THRB: variants seen among roughly 807,000 people sequenced by gnomAD.
THRB encodes thyroid hormone receptor beta, also known as nuclear receptor subfamily 1 group A member 2.
A neutral mutation model predicts 47.8 loss-of-function variants in THRB; 12 were observed. The ratio of observed to expected loss-of-function variants is 0.25; its 90% confidence interval spans 0.16 to 0.41. THRB has a LOEUF of 0.41. THRB is among the 10% of genes least tolerant of loss of function. The pLI is 1.00. For synonymous variants in THRB, 218 were observed against 212.2 expected (o/e 1.03, Z -0.24); for missense variants, 348 against 589.2 (o/e 0.59, Z 4.24).
chr3:24,159,474 G>A (rs563231380), intron 5 of THRB, among the ~76,000 whole-genome samples: 31 of 152,308 alleles, frequency 2.0e-4, no homozygotes, highest in Non-Finnish European at 2.8e-4. Flanking sequence ...TATGTTGCAC[G>A]TATATATGGT....
intron 3 of THRB, among the ~76,000 whole-genome samples, chr3:24,241,973 C>G (rs1221045218): frequency 6.6e-6 from 1 of 152,118 alleles, no homozygotes; most frequent in East Asian, 1.9e-4. Context: ...TTCCTCCCCC[C>G]ACAAGTTAGC....
chr3:24,450,367 T>C (rs2072530608), intron 1 of THRB, among the ~76,000 whole-genome samples: 1 of 152,194 alleles, frequency 6.6e-6, no homozygotes, highest in Admixed American at 6.5e-5. Context: ...TCACAAAAGC[T>C]GATATGCCCT....
In THRB at chr3:24,452,023, T is replaced by G. The variant is rs541534796; in HGVS notation, c.-261+42629A>C. The stretch of plus-strand genomic sequence containing the variant: ...AGAATACATTCTGAAGTCTTTAGCA[T>G]TTAGAGATGACTAGATTGCCCGAGG... On this transcript the variant is annotated intron_variant, in intron 1 of 10. Coordinates refer to ENST00000646209, the MANE Select transcript of THRB (RefSeq NM_001354712.2). Among the ~76,000 whole-genome samples, 10 of 152,238 alleles carry G rather than the reference T, an allele frequency of 6.6e-5. No homozygotes were observed. In the South Asian group the frequency reaches 2.1e-3, roughly 32 times the overall value.
At chr3:24,441,927 G>T (rs1161602500) in intron 1 of THRB, among the ~76,000 whole-genome samples, 5 of 152,146 alleles carry the variant, frequency 3.3e-5, no homozygotes, top group African/African-American at 1.2e-4. Flanking sequence ...TTGGAATACA[G>T]ATATCTGCAG....
chr3:24,309,804 T>C (rs1219038721), intron 2 of THRB, among the ~76,000 whole-genome samples: 1 of 152,098 alleles, frequency 6.6e-6, no homozygotes, highest in African/African-American at 2.4e-5. Context: ...AATTTGAAAA[T>C]ACACTTGAAA....
chr3:24,273,333 T>G (rs568248156), intron 3 of THRB, among the ~76,000 whole-genome samples: 2 of 152,188 alleles, frequency 1.3e-5, no homozygotes, highest in African/African-American at 4.8e-5. Context: ...TAGATTTCCC[T>G]GCTTCATAGA....
intron 2 of THRB, among the ~76,000 whole-genome samples, chr3:24,298,637 C>T (rs759660838): frequency 6.6e-6 from 1 of 152,210 alleles, no homozygotes; most frequent in Non-Finnish European, 1.5e-5. Context: ...CTTGTAACAA[C>T]TCTGTACAGA....
chr3:24,325,879 G>T (rs1174669474), intron 2 of THRB, among the ~76,000 whole-genome samples: 1 of 152,122 alleles, frequency 6.6e-6, no homozygotes, highest in Non-Finnish European at 1.5e-5. Flanking sequence ...ATACCAAATT[G>T]CCTTCAATAA....
Position 24,120,905 on chromosome 3 carries a change from C to A in THRB, c.*1979G>T, listed in dbSNP as rs1335318257. ...AGAAGCCAGTACAATTGCTTTCATG[C>A]ATTGAATATTTAATTCCCCGCTCCC... On this transcript the variant is annotated 3_prime_UTR_variant, in exon 11 of 11. Coordinates refer to ENST00000646209, the MANE Select transcript of THRB (RefSeq NM_001354712.2). 7 of 152,172 alleles carry A rather than the reference C, an allele frequency of 4.6e-5. No individual in the cohort carries two copies. The East Asian group carries it at 1.2e-3, about 25-fold the overall frequency. 9.4% of individuals were successfully genotyped at this position (152,172 alleles called of 1,614,324 possible). A position where few individuals can be genotyped will look rare whatever the true frequency, so the allele number is the denominator to read the frequency against.
chr3:24,318,257 C>T (rs576429332), intron 2 of THRB: 1 of 152,370 alleles, frequency 6.6e-6, no homozygotes, highest in South Asian at 2.1e-4. Context: ...TCATGATCAG[C>T]CCTGTACACA....
intron 3 of THRB, among the ~76,000 whole-genome samples, chr3:24,233,994 CTT>C (rs2048612649): frequency 6.6e-6 from 1 of 152,186 alleles, no homozygotes; most frequent in African/African-American, 2.4e-5. Flanking sequence ...TTAAGCCTCT[CTT>C]GAGATGACCT....
At chr3:24,328,155 A>G (rs1301351670) in intron 2 of THRB, among the ~76,000 whole-genome samples, 1 of 152,202 alleles carries the variant, frequency 6.6e-6, no homozygotes, top group Non-Finnish European at 1.5e-5. Flanking sequence ...GGAGGCAGAC[A>G]TTCTTCTACA....
chr3:24,333,096 A>AAAAC (rs767158264), intron 2 of THRB, among the ~76,000 whole-genome samples: 8 of 152,148 alleles, frequency 5.3e-5, no homozygotes, highest in African/African-American at 1.9e-4. Flanking sequence ...AACAAAAACA[A>AAAAC]AAACAAACAA....
intron 4 of THRB, among the ~76,000 whole-genome samples, chr3:24,218,990 G>A (rs1559638468): frequency 6.6e-6 from 1 of 152,164 alleles, no homozygotes; most frequent in Non-Finnish European, 1.5e-5. Context: ...TCTAAGCTCG[G>A]GCGTGGTGGC....
chr3:24,138,947 G>A (rs1163797651), intron 8 of THRB, among the ~76,000 whole-genome samples: 3 of 152,230 alleles, frequency 2.0e-5, no homozygotes, highest in African/African-American at 7.2e-5. Flanking sequence ...CACAATGTCA[G>A]CAGACAATAA....
intron 3 of THRB, among the ~76,000 whole-genome samples, chr3:24,295,821 C>T (rs568354259): frequency 6.6e-6 from 1 of 152,244 alleles, no homozygotes; most frequent in East Asian, 1.9e-4. Flanking sequence ...ATCTGTAAAG[C>T]GATGGAATTT....
rs190701152 is a variant in THRB, at chr3:24,146,652, G to A, written c.532+23C>T. ...TTCCTAATCAACATTCCTTGAATATGAAGCAAGTGAAGATCTACTTACAAT... is the reference window on the plus strand; with the variant it reads ...TTCCTAATCAACATTCCTTGAATATAAAGCAAGTGAAGATCTACTTACAAT... On this transcript the variant is annotated intron_variant, in intron 7 of 10. Transcript: ENST00000646209. The A allele has an allele frequency of 4.3e-5, 70 of 1,613,340 alleles. 1 individual carries two copies. In the African/African-American group the frequency reaches 8.9e-4, roughly 21 times the overall value.
chr3:24,357,369 A>AAC (rs2063754130), intron 1 of THRB, among the ~76,000 whole-genome samples: 1 of 146,778 alleles, frequency 6.8e-6, no homozygotes, highest in African/African-American at 2.5e-5. Flanking sequence ...AAAAAAAAAA[A>AAC]AAAAACAAAA....
intron 1 of THRB, among the ~76,000 whole-genome samples, chr3:24,442,875 T>C (rs1223507654): frequency 6.7e-6 from 1 of 150,042 alleles, no homozygotes; most frequent in Admixed American, 6.6e-5. Context: ...GAATAATAAC[T>C]ACAAGATCAT....
Sources: allele counts gnomAD v4.1 joint callset (sites outside exome capture counted in the v4.1 genomes callset), GRCh38; gene constraint gnomAD v4.1.1; transcripts MANE v1.5; gene names NCBI Gene and HGNC (gene_info 2026-07-23, HGNC 2026-07-21).